EFNA5: variants seen among roughly 807,000 people sequenced by gnomAD.
EFNA5 encodes the protein ephrin-A5.
In EFNA5, 5 loss-of-function variants were observed where a neutral mutation model predicts 22.9. The observed-to-expected ratio is 0.22, with a 90% CI of 0.11 to 0.46. The LOEUF (loss-of-function observed/expected upper bound fraction) is 0.46, where lower values mean the gene tolerates loss of function less well. Among genes scored for constraint, EFNA5 ranks in the 20% least tolerant of loss-of-function variants. The pLI is 0.99. For synonymous variants in EFNA5, 113 were observed against 112.2 expected (o/e 1.01, Z -0.04); for missense variants, 237 against 293.3 (o/e 0.81, Z 1.40).
At chr5:107,492,474 A>G (rs1746835983) in intron 1 of EFNA5, among the ~76,000 whole-genome samples, 1 of 152,186 alleles carries the variant, frequency 6.6e-6, no homozygotes. Flanking sequence ...TTTTCCCTCT[A>G]AGGTATGCTT....
intron 1 of EFNA5, among the ~76,000 whole-genome samples, chr5:107,461,938 A>C (rs1289865001): frequency 6.6e-6 from 1 of 152,186 alleles, no homozygotes; most frequent in African/African-American, 2.4e-5. Context: ...AAGGGCCCCG[A>C]AAGCAGCCCG....
At position 107,612,174 on chromosome 5, in the gene EFNA5, T is replaced by C. The variant is rs980663372; in HGVS notation, c.125+58315A>G. Among the ~76,000 whole-genome samples the C allele has an allele frequency of 1.3e-4, 20 of 152,310 alleles. 2 individuals are homozygous for C. In the East Asian group the frequency reaches 3.7e-3, roughly 28 times the overall value. The stretch of plus-strand genomic sequence containing the variant: ...CAAAAATTATCTCAGGTTATTTTAC[T>C]AGTACTACATTTATTTCTCTTATTA... On this transcript the variant is annotated intron_variant, in intron 1 of 4. Transcript: ENST00000333274.
intron 1 of EFNA5, among the ~76,000 whole-genome samples, chr5:107,644,882 G>A (rs569830261): frequency 3.9e-5 from 6 of 152,216 alleles, no homozygotes; most frequent in African/African-American, 1.4e-4. Context: ...TGTATTTTTA[G>A]TAGAGATGGG....
chr5:107,445,091 C>T (rs962851458), intron 1 of EFNA5, among the ~76,000 whole-genome samples: 2 of 152,084 alleles, frequency 1.3e-5, no homozygotes, highest in African/African-American at 2.4e-5. Context: ...GGTGTGATTT[C>T]GGCTCACTGC....
intron 1 of EFNA5, among the ~76,000 whole-genome samples, chr5:107,516,500 T>A (rs1200345860): frequency 6.6e-6 from 1 of 152,162 alleles, no homozygotes; most frequent in Non-Finnish European, 1.5e-5. Context: ...CAAACAACTG[T>A]TTTAACTATA....
At position 107,535,950 on chromosome 5, in the gene EFNA5, C is replaced by A. The variant is rs191359502; in HGVS notation, c.126-108441G>T. ...ATCTGGAAAGCTCATTCTTCCCTTA[C>A]CCTTTTAAGGCACAGTGCACCCTCT... On this transcript the variant is annotated intron_variant, in intron 1 of 4. Transcript: ENST00000333274. Among the ~76,000 whole-genome samples the A allele has an allele frequency of 5.5e-4, 83 of 152,268 alleles. 1 individual carries two copies. Among genetic ancestry groups the A allele is most frequent in the African/African-American group, 1.9e-3 (81 of 41,548 alleles).
At chr5:107,435,314 T>TA (rs1209200990) in intron 1 of EFNA5, among the ~76,000 whole-genome samples, 2 of 123,884 alleles carry the variant, frequency 1.6e-5, no homozygotes, top group Non-Finnish European at 3.4e-5. Flanking sequence ...CTGAAGATGC[T>TA]CTTTTTTTTT....
intron 1 of EFNA5, among the ~76,000 whole-genome samples, chr5:107,609,745 TC>T (rs1353145966): frequency 1.3e-5 from 2 of 151,978 alleles, no homozygotes; most frequent in African/African-American, 4.8e-5. Flanking sequence ...GCCACAGGCC[TC>T]CAAACACACA....
intron 1 of EFNA5, among the ~76,000 whole-genome samples, chr5:107,439,862 A>C (rs1037154064): frequency 2.6e-5 from 4 of 152,190 alleles, no homozygotes; most frequent in Admixed American, 6.5e-5. Context: ...ATTAAAACAG[A>C]ATATGCCACC....
At chr5:107,527,475 T>C (rs1005875751) in intron 1 of EFNA5, among the ~76,000 whole-genome samples, 1 of 151,848 alleles carries the variant, frequency 6.6e-6, no homozygotes, top group African/African-American at 2.4e-5. Context: ...TTAGTAGAGA[T>C]GGGGTTTCAC....
At chr5:107,605,011 A>T (rs1749682493) in intron 1 of EFNA5, among the ~76,000 whole-genome samples, 1 of 152,138 alleles carries the variant, frequency 6.6e-6, no homozygotes, top group African/African-American at 2.4e-5. Context: ...GGCCTAAACT[A>T]GTTAAACTAG....
intron 1 of EFNA5, among the ~76,000 whole-genome samples, chr5:107,551,189 C>A (rs2112468605): frequency 6.6e-6 from 1 of 152,288 alleles, no homozygotes; most frequent in Admixed American, 6.5e-5. Context: ...GGTTAATTAA[C>A]CAGCCCCAAG....
At chr5:107,605,450 CATG>C (rs1327952812) in intron 1 of EFNA5, among the ~76,000 whole-genome samples, 2 of 152,192 alleles carry the variant, frequency 1.3e-5, no homozygotes, top group African/African-American at 2.4e-5. Flanking sequence ...AGACGGCTGT[CATG>C]ATAATAGTGA....
At position 107,665,346 on chromosome 5, in the gene EFNA5, A is replaced by C. The variant is rs147157581; in HGVS notation, c.125+5143T>G. On this transcript the variant is annotated intron_variant, in intron 1 of 4. Transcript: ENST00000333274. The stretch of plus-strand genomic sequence containing the variant: ...TGTTCAGAAGGTATTCTGCAAGATT[A>C]AATGGCAAGAAATTCACAAGGTTAA... Among the ~76,000 whole-genome samples, 293 of 152,360 alleles carry C rather than the reference A, an allele frequency of 1.9e-3. 3 individuals carry two copies. Among genetic ancestry groups the C allele is most frequent in the African/African-American group, 6.9e-3 (287 of 41,578 alleles).
chr5:107,654,285 C>T (rs1279975846), intron 1 of EFNA5, among the ~76,000 whole-genome samples: 1 of 152,062 alleles, frequency 6.6e-6, no homozygotes, highest in East Asian at 1.9e-4. Flanking sequence ...ATAGACAGAC[C>T]TTCTATATTA....
At chr5:107,452,524 G>A (rs1181432286) in intron 1 of EFNA5, among the ~76,000 whole-genome samples, 3 of 151,930 alleles carry the variant, frequency 2.0e-5, no homozygotes, top group African/African-American at 7.3e-5. Context: ...CGAAGTTTGA[G>A]ACCAACCTGA....
intron 1 of EFNA5, among the ~76,000 whole-genome samples, chr5:107,563,486 G>C (rs1748590931): frequency 6.6e-6 from 1 of 151,948 alleles, no homozygotes; most frequent in South Asian, 2.1e-4. Flanking sequence ...GCCTGAGCTG[G>C]AGTACTGAGG....
rs576759649 is a variant in EFNA5, at chr5:107,634,441, A to C, written c.125+36048T>G. Among the ~76,000 whole-genome samples the C allele has an allele frequency of 2.6e-5, 4 of 152,248 alleles. No individual in the cohort carries two copies. In the East Asian group the frequency reaches 7.7e-4, roughly 29 times the overall value. The stretch of plus-strand genomic sequence containing the variant: ...CTGAGGTGGAAGATCACTTGAGCCC[A>C]GGTGTTTGAGGTTGCAGTTAGCTAT... On this transcript the variant is annotated intron_variant, in intron 1 of 4. Transcript: ENST00000333274.
rs558908778 is a variant in EFNA5, at chr5:107,670,768, C to G, written c.-155G>C. 60 of 1,073,708 alleles carry G rather than the reference C, an allele frequency of 5.6e-5. No individual in the cohort carries two copies. Among genetic ancestry groups the G allele is most frequent in the Non-Finnish European group, 7.0e-5 (53 of 759,004 alleles). 66.5% of individuals were successfully genotyped at this position (1,073,708 alleles called of 1,614,324 possible). A position where few individuals can be genotyped will look rare whatever the true frequency, so the allele number is the denominator to read the frequency against. On this transcript the variant is annotated 5_prime_UTR_variant, in exon 1 of 5. Transcript: ENST00000333274. Reference sequence around the variant, plus strand: ...AGTGGGCGAGAAAGGAAAGAGGCGCCCACCAAGCTGGGGAGGGGTAGGAGA... The same window carrying G: ...AGTGGGCGAGAAAGGAAAGAGGCGCGCACCAAGCTGGGGAGGGGTAGGAGA...
Sources: allele counts gnomAD v4.1 joint callset (sites outside exome capture counted in the v4.1 genomes callset), GRCh38; gene constraint gnomAD v4.1.1; transcripts MANE v1.5; gene names NCBI Gene and HGNC (gene_info 2026-07-23, HGNC 2026-07-21).